The following DOCK6 variants were observed in gnomAD, a reference collection of about 807,000 sequenced individuals.
DOCK6 encodes dedicator of cytokinesis protein 6.
A neutral mutation model predicts 230.3 loss-of-function variants in DOCK6; 167 were observed. The ratio of observed to expected loss-of-function variants is 0.73; its 90% CI spans 0.64 to 0.82. The LOEUF (loss-of-function observed/expected upper bound fraction) is 0.82, where lower values mean the gene tolerates loss of function less well. DOCK6 is among the 40% of genes least tolerant of loss of function. The pLI, the probability that DOCK6 is intolerant of heterozygous loss-of-function variation, is 0.00. For missense variants in DOCK6, 2,598 were observed against 2,825.8 expected, an observed-to-expected ratio of 0.92 and a Z score of 1.83; for synonymous variants, 1,148 against 1,185.0, an observed-to-expected ratio of 0.97 and a Z score of 0.64.
intron 28 of DOCK6, chr19:11,220,942 A>G (rs2079569449): frequency 6.7e-6 from 1 of 150,268 alleles, no homozygotes; most frequent in East Asian, 2.0e-4. Flanking sequence ...CTCCTGCCTC[A>G]GCCTCCCGAG....
rs745363058 is a variant in DOCK6 at position 11,243,555 on chromosome 19, A to G, written c.1258+2T>C. 1.3e-6 allele frequency: 2 copies of G among 1,597,372 alleles called. No individual in the cohort carries two copies. Among genetic ancestry groups the G allele is most frequent in the Non-Finnish European group, 1.7e-6 (2 of 1,173,696 alleles). ...CCAAGCCTGTTAGCCCCGCCTCCTC[A>G]CCGCCCTCCGAGTCAGAGTCCCGGT... is the stretch of plus-strand genomic sequence containing the variant. On this transcript the variant is annotated splice_donor_variant, in intron 11 of 47. Coordinates refer to ENST00000294618, the MANE Select transcript of DOCK6 (RefSeq NM_020812.4). LOFTEE classifies it high-confidence loss of function. This position sits in a 1 kb window ranked among gnomAD's most constrained non-coding sequence, Gnocchi z 6.3.
chr19:11,262,034 A>C (rs927620329), intron 1 of DOCK6, among the ~76,000 whole-genome samples: 9 of 152,042 alleles, frequency 5.9e-5, no homozygotes, highest in Non-Finnish European at 1.2e-4. Flanking sequence ...GAGCGCGGGG[A>C]CAGTGAGGGG....
chr19:11,219,011 T>C (rs1307849575), intron 28 of DOCK6, among the ~76,000 whole-genome samples: 1 of 149,786 alleles, frequency 6.7e-6, no homozygotes, highest in Non-Finnish European at 1.5e-5. Context: ...CCCAAGTAGC[T>C]GGGACTGCAG....
At chr19:11,234,149 G>A (rs1002645633) in intron 21 of DOCK6, among the ~76,000 whole-genome samples, 3 of 152,116 alleles carry the variant, frequency 2.0e-5, no homozygotes, top group African/African-American at 7.2e-5. Context: ...ACAGGCGTGA[G>A]CCACCATGCC....
chr19:11,257,640 T>C (rs1177317902), intron 1 of DOCK6, among the ~76,000 whole-genome samples: 1 of 151,462 alleles, frequency 6.6e-6, no homozygotes, highest in Non-Finnish European at 1.5e-5. Flanking sequence ...AATACAAAAA[T>C]TAGCCAGGCA....
At chr19:11,212,565 CTTTT>C (rs111849239) in intron 35 of DOCK6, among the ~76,000 whole-genome samples, 6 of 31,492 alleles carry the variant, frequency 1.9e-4, no homozygotes, top group Non-Finnish European at 7.7e-4. Context: ...TTCTTTCTTT[CTTTT>C]TTTTTTTTTT....
chr19:11,215,304 C>T lies in DOCK6; in HGVS notation c.4106+83G>A, dbSNP rs2079464629. On this transcript the variant is annotated intron_variant, in intron 32 of 47. Coordinates refer to ENST00000294618, the MANE Select transcript of DOCK6 (RefSeq NM_020812.4). The stretch of plus-strand genomic sequence containing the variant: ...GTCTTACTATGTTGCCCAGGCTGGT[C>T]TCGAACTCCTGGACTCAAGCAATCC... The T allele has an allele frequency of 4.1e-5, 53 of 1,296,970 alleles. 1 individual carries two copies. Among genetic ancestry groups the T allele is most frequent in the Middle Eastern group, 3.7e-4 (2 of 5,458 alleles). The allele number at this position is 1,296,970 out of a possible 1,614,324, so 80.3% of individuals were successfully genotyped here. A position where few individuals can be genotyped will look rare whatever the true frequency, so the allele number is the denominator to read the frequency against.
At position 11,214,300 on chromosome 19, in the gene DOCK6, G is replaced by A; in HGVS notation, c.4313C>T (p.Ala1438Val). 1.2e-6 allele frequency: 2 copies of A among 1,612,798 alleles called. No individual in the cohort carries two copies. Among genetic ancestry groups the A allele is most frequent in the Non-Finnish European group, 8.5e-7 (1 of 1,179,576 alleles). Residue 1438 changes from alanine (A) to valine (V), a missense_variant, in exon 34 of 48, where the codon GCC (alanine) becomes GTC (valine). Ala to Val is a moderately conservative substitution (Grantham distance 64). Transcript: ENST00000294618. ...QSALFLQHGL[A>V]TQRALVSKFP... Reference sequence around the variant, plus strand: ...CTTGGACACAAGGGCCCTCTGGGTGGCCAGGCCATGCTGCAAGAAGAGGGC... The same window carrying A: ...CTTGGACACAAGGGCCCTCTGGGTGACCAGGCCATGCTGCAAGAAGAGGGC...
Position 11,217,395 on chromosome 19 carries a change from G to C in DOCK6, c.3551-4C>G. 17 of 1,612,066 alleles carry C rather than the reference G, an allele frequency of 1.1e-5. No homozygotes were observed. The highest frequency in any genetic ancestry group is 1.4e-5 in the Non-Finnish European group (16 of 1,179,186). ...CTTGACCGCTGACCTGGGCCCTCTG[G>C]CAGGGAAAGACAGAGGGAAAGAAAG... On this transcript the variant is annotated splice_region_variant and splice_polypyrimidine_tract_variant and intron_variant, in intron 28 of 47. Transcript: ENST00000294618.
At chr19:11,235,524 T>C in intron 21 of DOCK6, 74 bp downstream of exon 21, 1 of 1,426,710 alleles carries the variant, frequency 7.0e-7, no homozygotes, top group Non-Finnish European at 9.4e-7. Flanking sequence ...GTCCTGGGAT[T>C]ACAGGCGTGA....
rs1353875373 is a variant in DOCK6, at chr19:11,222,087, G to A, written c.3380+22C>T. The A allele has an allele frequency of 2.5e-6, 4 of 1,610,304 alleles. No individual in the cohort carries two copies. The highest frequency in any genetic ancestry group is 3.4e-6 in the Non-Finnish European group (4 of 1,177,534). ...CCTGGACTGTCCCACCTGTCCTGGG[G>A]CTAGACAGGAGCTCTGCTCACCCTT... On this transcript the variant is annotated intron_variant, in intron 27 of 47. Transcript: ENST00000294618. The surrounding 1 kb of genome is among the most constrained non-coding windows in gnomAD (Gnocchi z 4.0).
chr19:11,208,570 C>G (rs566467419), intron 39 of DOCK6, 116 bp downstream of exon 39: 8 of 1,424,290 alleles, frequency 5.6e-6, no homozygotes, highest in East Asian at 2.5e-5. Context: ...TGAGCCACCG[C>G]GCCCAGCCTA....
In DOCK6 at chr19:11,201,929, G is replaced by A. The variant is rs2079175445; in HGVS notation, c.5648C>T (p.Pro1883Leu). Reference sequence around the variant, plus strand: ...CACACGGATGCGAGTCTTGATGTAGGGGAAGGCGTGGTCGGTGCTGAGCAG... The same window carrying A: ...CACACGGATGCGAGTCTTGATGTAGAGGAAGGCGTGGTCGGTGCTGAGCAG... Reference protein sequence around the residue: ...KTLLSTDHAFPYIKTRIRVCH... With the variant: ...KTLLSTDHAFLYIKTRIRVCH... The change falls in exon 44 of 48, where the codon CCC becomes CTC. Residue 1883 changes from proline to leucine, a missense_variant. Coordinates refer to ENST00000294618, the MANE Select transcript of DOCK6 (RefSeq NM_020812.4). This position sits in a 1 kb window ranked among gnomAD's most constrained non-coding sequence, Gnocchi z 4.3. 1 of 1,601,788 alleles carries A rather than the reference G, an allele frequency of 6.2e-7. No individual in the cohort carries two copies. Among genetic ancestry groups the A allele is most frequent in the Admixed American group, 1.7e-5 (1 of 57,416 alleles).
rs149178246 is a variant in DOCK6 at position 11,226,666 on chromosome 19, A to C, written c.2955+671T>G. Among the ~76,000 whole-genome samples the C allele has an allele frequency of 2.4e-3, 365 of 152,310 alleles. 7 individuals are homozygous for C. Among genetic ancestry groups the C allele is most frequent in the South Asian group, 0.02 (95 of 4,826 alleles). On this transcript the variant is annotated intron_variant, in intron 24 of 47. Transcript: ENST00000294618. ...AGAGTGAAACTCTGTCTCAGAAAAA[A>C]AACAACAACAAAAAAATGATACGAT...
At chr19:11,237,036 GA>G in intron 18 of DOCK6, 157 bp from the exon 19 acceptor site, 1 of 698,842 alleles carries the variant, frequency 1.4e-6, no homozygotes, top group Non-Finnish European at 2.3e-6. Flanking sequence ...AGTAGACTGA[GA>G]GGGTCCACTG....
Position 11,233,222 on chromosome 19 carries a change from G to A in DOCK6, c.2699C>T (p.Ser900Phe). The A allele has an allele frequency of 6.2e-7, 1 of 1,613,576 alleles. No individual in the cohort carries two copies. The highest frequency in any genetic ancestry group is 8.5e-7 in the Non-Finnish European group (1 of 1,179,788). Residue 900 changes from serine to phenylalanine, a missense_variant, in exon 22 of 48, where the codon TCC becomes TTC. Transcript: ENST00000294618. ...CCCTACCTTGCTGGCCAGGATGCGG[G>A]AAACCTCGTCATCCACAGAGCCAGG... Reference protein sequence around the residue: ...VAPGSVDDEVSRILASKLLHE... With the variant: ...VAPGSVDDEVFRILASKLLHE...
At chr19:11,247,757 G>A (rs1298266534) in intron 7 of DOCK6, 15 of 275,280 alleles carry the variant, frequency 5.4e-5, no homozygotes, top group East Asian at 3.3e-4. Flanking sequence ...TGGTCTTGGC[G>A]TCATGTCACC....
chr19:11,249,885 C>T (rs752763801), intron 6 of DOCK6, among the ~76,000 whole-genome samples: 26 of 100,872 alleles, frequency 2.6e-4, no homozygotes, highest in South Asian at 3.9e-4. Flanking sequence ...GCGACAAGAG[C>T]GAGACTCCAT....
intron 24 of DOCK6, 54 bp from the exon 25 acceptor site, chr19:11,223,160 G>T: frequency 6.5e-7 from 1 of 1,546,664 alleles, no homozygotes. Context: ...CCCCGACAGG[G>T]GCTTGGCTCT....
Sources: gnomAD v4.1 joint callset for allele counts (sites outside exome capture counted in the v4.1 genomes callset) on GRCh38, gnomAD v4.1.1 for gene constraint, Gnocchi (gnomAD v3.1) non-coding constraint, MANE v1.5 for transcripts, NCBI Gene and HGNC (gene_info 2026-07-23, HGNC 2026-07-21) for gene names.